AGBL1: variants seen among roughly 807,000 people sequenced by gnomAD.
The protein encoded by AGBL1 is AGBL carboxypeptidase 1, also known as cytosolic carboxypeptidase 4.
Under a neutral mutation model 118.9 loss-of-function variants are expected in AGBL1, and 130 were observed. That is an observed-to-expected ratio of 1.09 (90% CI 0.95 to 1.26). AGBL1 has a LOEUF of 1.26. Ranked by LOEUF, AGBL1 falls within the 50% of genes most tolerant of loss-of-function variation. AGBL1 has a pLI of 0.00. For synonymous variants in AGBL1, 555 were observed against 478.9 expected (o/e 1.16, Z -2.08); for missense variants, 1,584 against 1,298.1 (o/e 1.22, Z -3.38).
chr15:86,266,041 A>G (rs2079065388), intron 11 of AGBL1, among the ~76,000 whole-genome samples: 1 of 152,178 alleles, frequency 6.6e-6, no homozygotes, highest in Admixed American at 6.5e-5. Context: ...AGTGCAAACT[A>G]CCCTCTTATT....
chr15:86,626,071 T>C (rs2084882983), intron 21 of AGBL1, among the ~76,000 whole-genome samples: 1 of 152,000 alleles, frequency 6.6e-6, no homozygotes, highest in Admixed American at 6.6e-5. Context: ...AAAAAAAGGG[T>C]TGCATTTGAT....
chr15:86,246,140 C>A (rs1192785207), intron 6 of AGBL1, among the ~76,000 whole-genome samples: 2 of 152,204 alleles, frequency 1.3e-5, no homozygotes, highest in African/African-American at 4.8e-5. Context: ...CTGCCTCAGG[C>A]CCCCACAGTG....
intron 1 of AGBL1, among the ~76,000 whole-genome samples, chr15:86,117,895 A>G (rs775202842): frequency 8.5e-5 from 13 of 152,218 alleles, no homozygotes; most frequent in Non-Finnish European, 1.8e-4. Flanking sequence ...TCTGTAGTTT[A>G]GAAAGGTTAT....
chr15:86,732,488 G>T (rs2077538767), intron 22 of AGBL1, among the ~76,000 whole-genome samples: 1 of 152,032 alleles, frequency 6.6e-6, no homozygotes, highest in Non-Finnish European at 1.5e-5. Flanking sequence ...TTCTTTCTAT[G>T]CATTTCTAAA....
chr15:86,885,708 A>G (rs575703482), intron 22 of AGBL1, among the ~76,000 whole-genome samples: 2 of 152,344 alleles, frequency 1.3e-5, no homozygotes, highest in Non-Finnish European at 2.9e-5. Context: ...AAAATAGAAT[A>G]AGACATCCAC....
chr15:86,702,551 C>A (rs2086378615), intron 22 of AGBL1, among the ~76,000 whole-genome samples: 1 of 152,152 alleles, frequency 6.6e-6, no homozygotes, highest in South Asian at 2.1e-4. Flanking sequence ...CCCTAACTCA[C>A]TGCAGCATCA....
At chr15:86,316,326 C>G (rs576146982) in intron 17 of AGBL1, among the ~76,000 whole-genome samples, 1 of 152,222 alleles carries the variant, frequency 6.6e-6, no homozygotes, top group South Asian at 2.1e-4. Context: ...TTGAGCTGTG[C>G]TTGATTCATT....
intron 22 of AGBL1, among the ~76,000 whole-genome samples, chr15:86,740,693 G>A (rs77162618): frequency 0.02 from 3,081 of 152,234 alleles, 111 homozygotes; most frequent in African/African-American, 0.066. Context: ...TGGGTAGACA[G>A]ATGAATGAGT....
At chr15:86,177,680 C>T (rs554694991) in intron 5 of AGBL1, among the ~76,000 whole-genome samples, 2 of 152,200 alleles carry the variant, frequency 1.3e-5, no homozygotes, top group Non-Finnish European at 2.9e-5. Context: ...AAATAATGTA[C>T]TTCTAAAGGA....
At chr15:86,712,895 C>T (rs1022220568) in intron 22 of AGBL1, among the ~76,000 whole-genome samples, 1 of 152,176 alleles carries the variant, frequency 6.6e-6, no homozygotes. Context: ...GGGCTCCTGC[C>T]CTCTCCAGCC....
chr15:86,814,759 C>T (rs553354125), intron 22 of AGBL1, among the ~76,000 whole-genome samples: 1 of 152,268 alleles, frequency 6.6e-6, no homozygotes, highest in East Asian at 1.9e-4. Context: ...CAACACTCAC[C>T]AAAGAAAACA....
At chr15:86,561,873 C>G (rs1173352505) in intron 21 of AGBL1, among the ~76,000 whole-genome samples, 1 of 152,068 alleles carries the variant, frequency 6.6e-6, no homozygotes, top group Non-Finnish European at 1.5e-5. Context: ...CCTTCACATC[C>G]CTTGTAAATT....
At chr15:86,680,565 C>CTTTTTTTTTTTTTTTTTTTTTTTTTTTTT (rs34873609) in intron 22 of AGBL1, among the ~76,000 whole-genome samples, 12 of 94,680 alleles carry the variant, frequency 1.3e-4, no homozygotes, top group South Asian at 3.9e-4. Context: ...TCTTTCTTTT[C>CTTTTTTTTTTTTTTTTTTTTTTTTTTTTT]TTTTTTTTTT....
At chr15:86,892,410 T>C (rs1055914856) in intron 22 of AGBL1, among the ~76,000 whole-genome samples, 1 of 152,200 alleles carries the variant, frequency 6.6e-6, no homozygotes, top group Non-Finnish European at 1.5e-5. Flanking sequence ...TCATTCCAGT[T>C]CTTCCTCAGG....
intron 6 of AGBL1, among the ~76,000 whole-genome samples, chr15:86,234,160 G>C (rs188121355): frequency 8.5e-5 from 13 of 152,142 alleles, no homozygotes; most frequent in Non-Finnish European, 1.8e-4. Flanking sequence ...CAGCCATGTT[G>C]TTTCTTTGAC....
In AGBL1 at chr15:86,336,918, A is replaced by T. The variant is rs562362941; in HGVS notation, c.2374+41510A>T. 1.4e-4 allele frequency among the ~76,000 whole-genome samples: 22 copies of T among 152,328 alleles called. No homozygotes were observed. The South Asian group carries it at 4.6e-3, about 32-fold the overall frequency. ...AAATTACCTTGCCATCTACTTCTTC[A>T]TGTATTGATAGTCTTCTAGCACAGG... On this transcript the variant is annotated intron_variant, in intron 17 of 22. Coordinates refer to ENST00000614907, the MANE Select transcript of AGBL1 (RefSeq NM_001386094.1).
intron 22 of AGBL1, among the ~76,000 whole-genome samples, chr15:86,739,480 A>G (rs2141232026): frequency 6.6e-6 from 1 of 151,452 alleles, no homozygotes; most frequent in East Asian, 1.9e-4. Flanking sequence ...AAGAGAAAAA[A>G]AAATTTTTCA....
At chr15:86,920,599 T>C (rs1031500069), downstream of AGBL1, among the ~76,000 whole-genome samples, 11 of 152,232 alleles carry the variant, frequency 7.2e-5, no homozygotes, top group African/African-American at 2.7e-4. Context: ...TCAAGGGTTA[T>C]GTAATGCTCT....
chr15:86,091,430 T>A lies in AGBL1; in HGVS notation c.51+11407T>A, dbSNP rs373294199. ...GACACACTAGCATCATGACTCCAAG[T>A]CTCTTGGGGAAGATCAGAACACTCA... On this transcript the variant is annotated intron_variant, in intron 1 of 22. Transcript: ENST00000614907. 7.2e-5 allele frequency among the ~76,000 whole-genome samples: 11 copies of A among 152,314 alleles called. No individual in the cohort carries two copies. In the East Asian group the frequency reaches 2.1e-3, roughly 29 times the overall value.
Sources: allele counts gnomAD v4.1 joint callset (sites outside exome capture counted in the v4.1 genomes callset), GRCh38; gene constraint gnomAD v4.1.1; transcripts MANE v1.5; gene names NCBI Gene and HGNC (gene_info 2026-07-23, HGNC 2026-07-21).